Variants in SPG11 observed in about 807,000 individuals in gnomAD.
SPG11 encodes spatacsin.
A neutral mutation model predicts 274.0 loss-of-function variants in SPG11; 222 were observed. The observed-to-expected ratio is 0.81, with a 90% CI of 0.73 to 0.91. The LOEUF (loss-of-function observed/expected upper bound fraction) is 0.91, where lower values mean the gene tolerates loss of function less well. Ranked by LOEUF, SPG11 falls within the 40% of genes least tolerant of loss-of-function variation. The pLI, the probability that SPG11 is intolerant of heterozygous loss-of-function variation, is 0.00. For synonymous variants in SPG11, 1,144 were observed against 1,039.7 expected, an observed-to-expected ratio of 1.10 and a Z score of -1.93; for missense variants, 3,114 against 2,872.7, an observed-to-expected ratio of 1.08 and a Z score of -1.92.
chr15:44,645,395 T>G (rs1228813223), intron 7 of SPG11, among the ~76,000 whole-genome samples: 1 of 152,234 alleles, frequency 6.6e-6, no homozygotes, highest in African/African-American at 2.4e-5. Context: ...ATTAATGTGC[T>G]GGGATAAAAG....
At chr15:44,633,318 C>G (rs1367318636) in intron 8 of SPG11, among the ~76,000 whole-genome samples, 187 bp downstream of exon 8, 5 of 57,284 alleles carry the variant, frequency 8.7e-5, no homozygotes, top group African/African-American at 1.6e-4. Flanking sequence ...GAGTGAGACT[C>G]TGTCTCAAAA....
At chr15:44,611,090 GTAA>G (rs2083448485) in intron 17 of SPG11, 105 bp from the exon 18 acceptor site, 6 of 24,744 alleles carry the variant, frequency 2.4e-4, no homozygotes, top group South Asian at 7.5e-4. Flanking sequence ...TCTATCCCCA[GTAA>G]AAAAAAAAAA....
intron 33 of SPG11, among the ~76,000 whole-genome samples, chr15:44,571,393 T>A (rs1258158827): frequency 3.9e-5 from 6 of 152,126 alleles, no homozygotes; most frequent in African/African-American, 1.4e-4. Flanking sequence ...ATACACCATA[T>A]CCTAGATGCT....
chr15:44,657,008 TAAA>T, intron 4 of SPG11, 84 bp downstream of exon 4: 2 of 998,868 alleles, frequency 2.0e-6, no homozygotes, highest in Non-Finnish European at 1.4e-6. Context: ...AAACACTAGT[TAAA>T]AAAAAAAAAC....
chr15:44,564,849 G>C, intron 38 of SPG11, 151 bp from the exon 39 acceptor site: 1 of 882,716 alleles, frequency 1.1e-6, no homozygotes, highest in Non-Finnish European at 1.8e-6. Context: ...ATCAGAGGTG[G>C]TGAAAAGTCA....
chr15:44,578,645 A>G (rs909037590), intron 30 of SPG11, among the ~76,000 whole-genome samples: 1 of 152,162 alleles, frequency 6.6e-6, no homozygotes, highest in Non-Finnish European at 1.5e-5. Flanking sequence ...AAGGTCACAG[A>G]TTGACCACTA....
intron 31 of SPG11, among the ~76,000 whole-genome samples, chr15:44,574,341 C>T (rs1470397570): frequency 2.0e-5 from 3 of 152,184 alleles, no homozygotes; most frequent in East Asian, 1.9e-4. Context: ...AGAACACCGA[C>T]TAAAATACGA....
chr15:44,636,275 G>C (rs958854439), intron 7 of SPG11, among the ~76,000 whole-genome samples: 6 of 152,020 alleles, frequency 3.9e-5, no homozygotes, highest in African/African-American at 1.5e-4. Context: ...TTATTGGCCC[G>C]AGAGGAGACT....
chr15:44,629,038 C>A (rs1037402002), intron 9 of SPG11, among the ~76,000 whole-genome samples, 194 bp from the exon 10 acceptor site: 1 of 152,148 alleles, frequency 6.6e-6, no homozygotes, highest in Non-Finnish European at 1.5e-5. Context: ...TCTTGTCCTT[C>A]ATGATTAGTC....
intron 15 of SPG11, among the ~76,000 whole-genome samples, chr15:44,617,213 ACTC>A (rs1181442939): frequency 6.6e-6 from 1 of 151,834 alleles, no homozygotes; most frequent in Non-Finnish European, 1.5e-5. Context: ...AAGGGTCACA[ACTC>A]CTGCCAGGCA....
At chr15:44,618,615 A>C (rs929465441) in intron 15 of SPG11, among the ~76,000 whole-genome samples, 17 of 151,698 alleles carry the variant, frequency 1.1e-4, no homozygotes, top group Non-Finnish European at 2.5e-4. Context: ...CAGGAGATGA[A>C]GACCATCCTG....
In SPG11 at chr15:44,606,847, G is replaced by A. The variant is rs141902893; in HGVS notation, c.3454-756C>T. ...TCAGTCCACTTGAAAACAGAACAAAGAGCAACATGAAACCACTTGTGTTTC... is the reference window on the plus strand; with the variant it reads ...TCAGTCCACTTGAAAACAGAACAAAAAGCAACATGAAACCACTTGTGTTTC... On this transcript the variant is annotated intron_variant, in intron 19 of 39. Transcript: ENST00000261866. 7.9e-4 allele frequency among the ~76,000 whole-genome samples: 121 copies of A among 152,228 alleles called. 1 individual carries two copies. Among genetic ancestry groups the A allele is most frequent in the African/African-American group, 2.7e-3 (114 of 41,540 alleles).
intron 34 of SPG11, 148 bp downstream of exon 34, chr15:44,570,377 G>C: frequency 1.0e-6 from 1 of 962,922 alleles, no homozygotes; most frequent in Non-Finnish European, 1.5e-6. Flanking sequence ...GCAGAGGGTT[G>C]GGCTGCCCAG....
chr15:44,595,185 T>G, intron 26 of SPG11, 74 bp downstream of exon 26: 1 of 1,459,832 alleles, frequency 6.9e-7, no homozygotes, highest in Non-Finnish European at 9.6e-7. Context: ...GGGATGGAAA[T>G]AAGAAAAAGC....
At chr15:44,608,405 C>T in intron 19 of SPG11, 39 bp downstream of exon 19, 3 of 1,605,884 alleles carry the variant, frequency 1.9e-6, no homozygotes, top group Non-Finnish European at 2.6e-6. Flanking sequence ...CCTGGCTGAA[C>T]TCTGATAGAC....
intron 18 of SPG11, among the ~76,000 whole-genome samples, chr15:44,609,712 T>C (rs1323217384): frequency 2.0e-5 from 3 of 151,242 alleles, no homozygotes; most frequent in African/African-American, 7.3e-5. Flanking sequence ...AACATATTCA[T>C]TCCCCTCCCT....
rs2082845472 is a variant in SPG11 at position 44,589,373 on chromosome 15, G to A, written c.4785C>T (p.Ala1595=). 1.9e-6 allele frequency: 3 copies of A among 1,614,016 alleles called. No individual in the cohort carries two copies. The highest frequency in any genetic ancestry group is 2.2e-5 in the South Asian group (2 of 91,088). ...AATKVHPVIP[A]MWLEDQVCFL... is the part of the protein sequence containing the mutation. Reference sequence around the variant, plus strand: ...AACACACCTGATCCTCCAGCCACATGGCAGGGATGACAGGGTGGACCTTTG... The same window carrying A: ...AACACACCTGATCCTCCAGCCACATAGCAGGGATGACAGGGTGGACCTTTG... The change falls in exon 28 of 40, where the codon GCC becomes GCT. Residue 1595 remains alanine (A), a synonymous_variant. Transcript: ENST00000261866.
chr15:44,572,683 T>G lies in SPG11; in HGVS notation c.6343A>C (p.Thr2115Pro), dbSNP rs2082447213. 6.2e-7 allele frequency: 1 copy of G among 1,614,156 alleles called. No homozygotes were observed. Among genetic ancestry groups the G allele is most frequent in the East Asian group, 2.2e-5 (1 of 44,882 alleles). ...TGTAAGAAAAAGGTCAATAACTTAC[T>G]GCAAGACAGTTCCCCATGGGGAACG... ...SSVPHGELSC[T>P]TELLILAHHC... Residue 2115 changes from threonine to proline, a missense_variant and splice_region_variant, in exon 33 of 40, where the codon ACC becomes CCC. Coordinates refer to ENST00000261866, the MANE Select transcript of SPG11 (RefSeq NM_025137.4).
Position 44,570,537 on chromosome 15 carries a change from C to T in SPG11, c.6465G>A (p.Glu2155=). The T allele has an allele frequency of 1.2e-6, 2 of 1,614,122 alleles. No homozygotes were observed. Among genetic ancestry groups the T allele is most frequent in the Non-Finnish European group, 1.7e-6 (2 of 1,179,984 alleles). Residue 2155 remains glutamate, a synonymous_variant, in exon 34 of 40, where the codon GAG becomes GAA. Transcript: ENST00000261866. The part of the protein sequence containing the change: ...LTDNHLAPSE[E]YGLVVRLLTG... Reference sequence around the variant, plus strand: ...GGGGGCTACTTACCACCAGCCCATACTCCTCACTGGGGGCCAGGTGGTTAT... The same window carrying T: ...GGGGGCTACTTACCACCAGCCCATATTCCTCACTGGGGGCCAGGTGGTTAT...
Sources: allele counts gnomAD v4.1 joint callset (sites outside exome capture counted in the v4.1 genomes callset), GRCh38; gene constraint gnomAD v4.1.1; transcripts MANE v1.5; gene names NCBI Gene and HGNC (gene_info 2026-07-23, HGNC 2026-07-21).